Variants in TMEM74 observed in about 807,000 individuals in gnomAD.
The protein encoded by TMEM74 is transmembrane protein 74.
A neutral mutation model predicts 18.1 loss-of-function variants in TMEM74; 13 were observed. The observed-to-expected ratio is 0.72, with a 90% CI of 0.47 to 1.14. The LOEUF (loss-of-function observed/expected upper bound fraction) is 1.14. Ranked by LOEUF, TMEM74 falls within the 50% of genes most tolerant of loss-of-function variation. TMEM74 has a pLI of 0.00. For missense variants in TMEM74, 372 were observed against 375.9 expected (o/e 0.99, Z 0.09); for synonymous variants, 159 against 146.6 (o/e 1.08, Z -0.61).
At chr8:108,691,077 G>A (rs1243065250) in intron 1 of TMEM74, among the ~76,000 whole-genome samples, 1 of 152,186 alleles carries the variant, frequency 6.6e-6, no homozygotes, top group African/African-American at 2.4e-5. Context: ...AAAGGACATG[G>A]AGGCTGCTTC....
Position 108,622,141 on chromosome 8 carries a change from G to A in TMEM74, n.265-13315C>T, listed in dbSNP as rs1812446424. 2.6e-5 allele frequency among the ~76,000 whole-genome samples: 4 copies of A among 152,064 alleles called. No individual in the cohort carries two copies. In the South Asian group the frequency reaches 6.2e-4, roughly 24 times the overall value. On this transcript the variant is annotated intron_variant and non_coding_transcript_variant, in intron 2 of 3. Transcript: ENST00000518838. ...TTATAAAAGGGCAAAACGAGAATAA[G>A]TTTTCAAAACCCGGAAGTGCTGATG...
intron 1 of TMEM74, among the ~76,000 whole-genome samples, chr8:108,674,550 G>A (rs186003492): frequency 2.0e-5 from 3 of 152,206 alleles, no homozygotes; most frequent in African/African-American, 7.2e-5. Context: ...TCAGCCTCAT[G>A]TATTACTCCA....
intron 1 of TMEM74, among the ~76,000 whole-genome samples, chr8:108,657,845 AAAAAAAAAAAAAAAATAT>A (rs1377358578): frequency 4.2e-5 from 1 of 23,626 alleles, no homozygotes; most frequent in African/African-American, 1.5e-4. Flanking sequence ...ACCGTCTCAA[AAAAAAAAAAAAAAAATAT>A]ATATATATAT....
At chr8:108,630,643 CA>C (rs1470439854) in intron 2 of TMEM74, among the ~76,000 whole-genome samples, 1 of 151,962 alleles carries the variant, frequency 6.6e-6, no homozygotes, top group Non-Finnish European at 1.5e-5. Flanking sequence ...ACAGTGCAAT[CA>C]AATTAGAACT....
At chr8:108,669,169 T>G (rs1812977968) in intron 1 of TMEM74, among the ~76,000 whole-genome samples, 1 of 151,992 alleles carries the variant, frequency 6.6e-6, no homozygotes, top group Non-Finnish European at 1.5e-5. Context: ...ATCTCTCTCG[T>G]TTTTCAGGTT....
chr8:108,739,808 G>A (rs571767849), intron 1 of TMEM74, among the ~76,000 whole-genome samples: 88 of 152,166 alleles, frequency 5.8e-4, no homozygotes, highest in African/African-American at 2.0e-3. Flanking sequence ...GCTTCTCCTT[G>A]TGGTTTTTGG....
chr8:108,713,834 A>T (rs1358952289), intron 1 of TMEM74, among the ~76,000 whole-genome samples: 1 of 152,196 alleles, frequency 6.6e-6, no homozygotes, highest in African/African-American at 2.4e-5. Context: ...AACTCAGTCC[A>T]AGTCAGAAGG....
chr8:108,710,748 G>A lies in TMEM74; in HGVS notation n.120-55311C>T, dbSNP rs551987899. On this transcript the variant is annotated intron_variant and non_coding_transcript_variant, in intron 1 of 3. Coordinates refer to the TMEM74 transcript ENST00000518838. ...ACTCTTTCTCTCTCTGGGTATGAGCGAGCGGAGCTGTGTTCTGGCTCCCCA... is the reference window on the plus strand; with the variant it reads ...ACTCTTTCTCTCTCTGGGTATGAGCAAGCGGAGCTGTGTTCTGGCTCCCCA... 1.2e-3 allele frequency among the ~76,000 whole-genome samples: 190 copies of A among 152,256 alleles called. 1 individual carries two copies. The highest frequency in any genetic ancestry group is 2.0e-3 in the Non-Finnish European group (133 of 68,010).
At chr8:108,642,377 G>A (rs1012390852) in intron 2 of TMEM74, among the ~76,000 whole-genome samples, 1 of 146,074 alleles carries the variant, frequency 6.8e-6, no homozygotes, top group Non-Finnish European at 1.5e-5. Flanking sequence ...CCACCACAGA[G>A]CGAGACTCCA....
chr8:108,638,133 C>T (rs1812626133), intron 2 of TMEM74, among the ~76,000 whole-genome samples: 1 of 152,158 alleles, frequency 6.6e-6, no homozygotes, highest in South Asian at 2.1e-4. Context: ...AGTGCAGATT[C>T]TGAAGGGTCA....
rs1473968235 is a variant in TMEM74 at position 108,783,306 on chromosome 8, A to G, written c.*875T>C. Among the ~76,000 whole-genome samples the G allele has an allele frequency of 6.6e-6, 1 of 152,170 alleles. No individual in the cohort carries two copies. The highest frequency in any genetic ancestry group is 6.5e-5 in the Admixed American group (1 of 15,282). The stretch of plus-strand genomic sequence containing the variant: ...AGCCAATCATGACTCAGGCCTGTCT[A>G]GATGTTTAGATGTCTGGAAATATAT... On this transcript the variant is annotated 3_prime_UTR_variant, in exon 2 of 2. Coordinates refer to ENST00000297459, the MANE Select transcript of TMEM74 (RefSeq NM_153015.3).
At chr8:108,640,020 A>G (rs919431220) in intron 2 of TMEM74, among the ~76,000 whole-genome samples, 1 of 151,592 alleles carries the variant, frequency 6.6e-6, no homozygotes, top group Admixed American at 6.6e-5. Context: ...TTTGTCAGTT[A>G]GCCTAGATAC....
chr8:108,661,452 G>A (rs1393078142), intron 1 of TMEM74, among the ~76,000 whole-genome samples: 2 of 139,354 alleles, frequency 1.4e-5, no homozygotes, highest in East Asian at 2.3e-4. Context: ...ATCAGTAATG[G>A]CACATTGGTC....
At chr8:108,765,427 G>A (rs569192273) in intron 1 of TMEM74, among the ~76,000 whole-genome samples, 17 of 59,516 alleles carry the variant, frequency 2.9e-4, no homozygotes, top group Middle Eastern at 8.6e-3. Context: ...TTTTTTTTTA[G>A]ATGGAGTCTC....
At chr8:108,653,864 A>G (rs1356563577) in intron 2 of TMEM74, among the ~76,000 whole-genome samples, 1 of 152,102 alleles carries the variant, frequency 6.6e-6, no homozygotes, top group Non-Finnish European at 1.5e-5. Flanking sequence ...GGTGGGAAGC[A>G]TGGAGGCTTT....
At chr8:108,617,216 G>A (rs1230333694) in intron 2 of TMEM74, among the ~76,000 whole-genome samples, 1 of 151,742 alleles carries the variant, frequency 6.6e-6, no homozygotes, top group Non-Finnish European at 1.5e-5. Context: ...GAAGTAGAAG[G>A]AGCCAATGTG....
At chr8:108,746,670 G>A (rs764638207) in intron 1 of TMEM74, among the ~76,000 whole-genome samples, 3 of 152,234 alleles carry the variant, frequency 2.0e-5, no homozygotes, top group Non-Finnish European at 4.4e-5. Flanking sequence ...CAGGATGGGG[G>A]CTGGTTGCCA....
chr8:108,663,477 T>C (rs1286433872), intron 1 of TMEM74, among the ~76,000 whole-genome samples: 1 of 152,000 alleles, frequency 6.6e-6, no homozygotes, highest in African/African-American at 2.4e-5. Context: ...GCTGGCTAGG[T>C]TGTGGAGAAA....
At chr8:108,688,369 C>T (rs1488401685) in intron 1 of TMEM74, among the ~76,000 whole-genome samples, 14 of 152,226 alleles carry the variant, frequency 9.2e-5, no homozygotes. Context: ...CATGTTCACG[C>T]TCAGTCCAAT....
Sources: gnomAD v4.1 joint callset for allele counts (sites outside exome capture counted in the v4.1 genomes callset) on GRCh38, gnomAD v4.1.1 for gene constraint, MANE v1.5 for transcripts, NCBI Gene and HGNC (gene_info 2026-07-23, HGNC 2026-07-21) for gene names.